The following ZNF483 variants were observed in gnomAD, a reference collection of about 807,000 sequenced individuals.
ZNF483 encodes zinc finger protein 483.
ZNF483 carries 9 observed loss-of-function variants against 28.6 expected under a neutral mutation model. That is an observed-to-expected ratio of 0.32 (90% CI 0.19 to 0.55). ZNF483 has a LOEUF of 0.55. Among genes scored for constraint, ZNF483 ranks in the 20% least tolerant of loss-of-function variants. The probability of loss-of-function intolerance (pLI) is 0.93; values close to 1 mark genes in which losing one functional copy is unlikely to be tolerated. For synonymous variants in ZNF483, 322 were observed against 306.2 expected (o/e 1.05, Z -0.54); for missense variants, 675 against 871.7 (o/e 0.77, Z 2.84).
At chr9:111,569,781 T>TTCAC (rs1403166804) in intron 5 of ZNF483, 2 of 356,308 alleles carry the variant, frequency 5.6e-6, no homozygotes, top group African/African-American at 2.1e-5. Context: ...TATGTGGGTT[T>TTCAC]AAGGAAGAAT....
chr9:111,574,923 T>C (rs1828992928), intron 5 of ZNF483: 1 of 1,086,558 alleles, frequency 9.2e-7, no homozygotes. Context: ...AAGCATTATT[T>C]TACAATACCT....
intron 2 of ZNF483, 96 bp from the exon 3 acceptor site, chr9:111,530,779 A>ATATATG (rs1827314697): frequency 2.0e-5 from 1 of 50,022 alleles, no homozygotes; most frequent in Non-Finnish European, 3.6e-5. Flanking sequence ...ATATATATAT[A>ATATATG]TATATATATA....
At chr9:111,539,668 C>A in intron 5 of ZNF483, 1 of 222,502 alleles carries the variant, frequency 4.5e-6, no homozygotes. Context: ...GAGGCTGAGG[C>A]AGGAGAATCG....
intron 5 of ZNF483, chr9:111,570,188 A>T: frequency 6.2e-7 from 1 of 1,613,966 alleles, no homozygotes; most frequent in Non-Finnish European, 8.5e-7. Flanking sequence ...CTCCTGATAG[A>T]TAACAATCTC....
intron 5 of ZNF483, among the ~76,000 whole-genome samples, chr9:111,535,345 G>A (rs1404120156): frequency 6.6e-6 from 1 of 152,328 alleles, no homozygotes; most frequent in South Asian, 2.1e-4. Context: ...GGAATATACA[G>A]GAGCAAGGTT....
downstream of ZNF483, among the ~76,000 whole-genome samples, chr9:111,559,018 CT>C (rs1828200021): frequency 6.6e-6 from 1 of 152,176 alleles, no homozygotes; most frequent in Admixed American, 6.5e-5. Context: ...CTGGCCCCTA[CT>C]CTTGCCTCCC....
rs1351671716 is a variant in ZNF483, at chr9:111,560,631, C to T, written c.722-15734C>T. On this transcript the variant is annotated intron_variant, in intron 5 of 5. Coordinates refer to the ZNF483 transcript ENST00000358151. ...ACGTCAGCCTGGGAGACAGAGACAC[C>T]ATCTCAAAAAAAAAAAAAAAAAAAA... is the stretch of plus-strand genomic sequence containing the variant. Among the ~76,000 whole-genome samples the T allele has an allele frequency of 3.6e-5, 3 of 82,246 alleles. No individual in the cohort carries two copies. In the East Asian group the frequency reaches 1.1e-3, roughly 31 times the overall value. The allele number at this position is 82,246 out of a possible 152,430, so 54.0% of individuals were successfully genotyped here. A position where few individuals can be genotyped will look rare whatever the true frequency, so the allele number is the denominator to read the frequency against.
At chr9:111,564,257 G>C (rs954063689) in intron 5 of ZNF483, 2 of 956,846 alleles carry the variant, frequency 2.1e-6, no homozygotes, top group African/African-American at 3.6e-5. Flanking sequence ...TTACAAAGTA[G>C]GGAAGCTGAA....
rs141609552 is a variant in ZNF483, at chr9:111,541,916, G to C, written c.981G>C (p.Lys327Asn). 45 of 1,613,972 alleles carry C rather than the reference G, an allele frequency of 2.8e-5. No homozygotes were observed. The highest frequency in any genetic ancestry group is 1.6e-4 in the Middle Eastern group (1 of 6,084). ...AACATCTGAGAGTCTACTTGAGGAA[G>C]AAATCTCGGAGGTATAATGAAAGCA... Reference protein sequence around the residue: ...LIKHLRVYLRKKSRRYNESKK... With the variant: ...LIKHLRVYLRNKSRRYNESKK... The change falls in exon 6 of 6, where the codon AAG becomes AAC. Residue 327 changes from lysine (K) to asparagine (N), a missense_variant. Transcript: ENST00000309235.
rs1827827772 is a variant in ZNF483, at chr9:111,547,179, C to T, written c.*4009C>T. 6.6e-6 allele frequency among the ~76,000 whole-genome samples: 1 copy of T among 152,016 alleles called. No individual in the cohort carries two copies. Among genetic ancestry groups the T allele is most frequent in the Non-Finnish European group, 1.5e-5 (1 of 67,970 alleles). On this transcript the variant is annotated 3_prime_UTR_variant, in exon 6 of 6. Coordinates refer to ENST00000309235, the MANE Select transcript of ZNF483 (RefSeq NM_133464.5). ...GCTTTCTGTTCTTTTAAGTATATGC[C>T]TAGAAATAGAATTGCTGGATCTTAT... is the stretch of plus-strand genomic sequence containing the variant.
intron 3 of ZNF483, among the ~76,000 whole-genome samples, chr9:111,532,324 C>T (rs1827368789): frequency 6.6e-6 from 1 of 152,010 alleles, no homozygotes; most frequent in South Asian, 2.1e-4. Context: ...AAGTGAGACC[C>T]AGTCTCACAA....
intron 2 of ZNF483, among the ~76,000 whole-genome samples, chr9:111,530,587 T>C (rs533879869): frequency 6.6e-6 from 1 of 150,852 alleles, no homozygotes; most frequent in Non-Finnish European, 1.5e-5. Flanking sequence ...TAGATAGCAT[T>C]AGAAATGAAT....
At chr9:111,538,541 T>C (rs1046493511) in intron 5 of ZNF483, among the ~76,000 whole-genome samples, 1 of 151,730 alleles carries the variant, frequency 6.6e-6, no homozygotes, top group African/African-American at 2.4e-5. Context: ...TTCAAATCTG[T>C]GTTGTTCAAG....
chr9:111,527,603 C>G lies in ZNF483; in HGVS notation c.208C>G (p.Leu70Val). ...YSEVAGPRKA[L>V]SQLWELCNQW... ...AGAAGTAGCTGGACCCAGGAAAGCT[C>G]TGAGTCAACTCTGGGAGCTCTGCAA... is the stretch of plus-strand genomic sequence containing the variant. The change falls in exon 2 of 6, where the codon CTG becomes GTG. Residue 70 changes from leucine (L) to valine (V), a missense_variant. Physicochemically the swap from Leu to Val is conservative, Grantham distance 32 (BLOSUM62 1). Coordinates refer to ENST00000309235, the MANE Select transcript of ZNF483 (RefSeq NM_133464.5). The G allele has an allele frequency of 6.2e-7, 1 of 1,614,198 alleles. No individual in the cohort carries two copies. Among genetic ancestry groups the G allele is most frequent in the Non-Finnish European group, 8.5e-7 (1 of 1,180,042 alleles).
intron 5 of ZNF483, among the ~76,000 whole-genome samples, chr9:111,566,438 G>A (rs1451522830): frequency 1.3e-5 from 2 of 152,182 alleles, no homozygotes; most frequent in African/African-American, 4.8e-5. Context: ...AGTGGCTGCT[G>A]GAGGAGCAAT....
downstream of ZNF483, among the ~76,000 whole-genome samples, chr9:111,558,501 G>T (rs972766803): frequency 5.9e-5 from 9 of 152,100 alleles, no homozygotes; most frequent in African/African-American, 2.2e-4. Context: ...AACATAGCAA[G>T]AATCCTCTTA....
rs528981790 is a variant in ZNF483, at chr9:111,540,347, A to G, written c.722-1310A>G. Among the ~76,000 whole-genome samples the G allele has an allele frequency of 2.6e-5, 4 of 152,342 alleles. No individual in the cohort carries two copies. In the East Asian group the frequency reaches 7.7e-4, roughly 29 times the overall value. ...ATGATTTTGAGTAATTTTGTATTTTATAATTATCTGTTGAAAAAATAGTTT... is the reference window on the plus strand; with the variant it reads ...ATGATTTTGAGTAATTTTGTATTTTGTAATTATCTGTTGAAAAAATAGTTT... On this transcript the variant is annotated intron_variant, in intron 5 of 5. Coordinates refer to ENST00000309235, the MANE Select transcript of ZNF483 (RefSeq NM_133464.5).
chr9:111,562,970 C>A (rs758012374), intron 5 of ZNF483: 23 of 1,410,118 alleles, frequency 1.6e-5, no homozygotes, highest in Non-Finnish European at 2.1e-5. Flanking sequence ...TCACTAATTA[C>A]ATACCACTTA....
At chr9:111,563,325 T>C (rs1048319939) in intron 5 of ZNF483, 10 of 1,242,260 alleles carry the variant, frequency 8.0e-6, no homozygotes, top group African/African-American at 1.5e-5. Context: ...AGGTACATCA[T>C]TGGAAACCTT....
Sources: gnomAD v4.1 joint callset for allele counts (sites outside exome capture counted in the v4.1 genomes callset) on GRCh38, gnomAD v4.1.1 for gene constraint, MANE v1.5 for transcripts, NCBI Gene and HGNC (gene_info 2026-07-23, HGNC 2026-07-21) for gene names.